The following CELSR2 variants were observed in gnomAD, a reference collection of about 807,000 sequenced individuals.
CELSR2 encodes cadherin EGF LAG seven-pass G-type receptor 2, also known as EGF-like protein 2.
In CELSR2, 81 loss-of-function variants were observed where a neutral mutation model predicts 251.6. The ratio of observed to expected loss-of-function variants is 0.32; its 90% CI spans 0.27 to 0.39. The LOEUF is 0.39. Ranked by LOEUF, CELSR2 falls within the 10% of genes least tolerant of loss-of-function variation. The pLI is 1.00. For missense variants in CELSR2, 3,365 were observed against 3,947.7 expected (o/e 0.85, Z 3.96); for synonymous variants, 1,721 against 1,670.5 (o/e 1.03, Z -0.74).
intron 2 of CELSR2, among the ~76,000 whole-genome samples, chr1:109,260,677 T>G (rs1655994806): frequency 6.6e-6 from 1 of 152,120 alleles, no homozygotes. Flanking sequence ...CCAGGTGTGC[T>G]TGGTAGTGTG....
chr1:109,262,996 C>A, intron 7 of CELSR2, 27 bp downstream of exon 7: 1 of 1,606,044 alleles, frequency 6.2e-7, no homozygotes, highest in Non-Finnish European at 8.5e-7. Context: ...TGGAGCCAGG[C>A]TGGGATCCCA....
intron 8 of CELSR2, 101 bp downstream of exon 8, chr1:109,263,368 GC>G (rs1386303432): frequency 6.8e-7 from 1 of 1,474,544 alleles, no homozygotes; most frequent in African/African-American, 1.4e-5. Context: ...GCTGAGCGGG[GC>G]TGTGGGTGGA....
Position 109,272,358 on chromosome 1 carries a change from C to T in CELSR2, c.8007C>T (p.Thr2669=). ...ACTCGGCCGGCTCTCTGCACAGCAC[C>T]AGTCGCTCGGGCAAGAGTCAGCCCA... is the stretch of plus-strand genomic sequence containing the variant. ...YGDSAGSLHS[T]SRSGKSQPSY... The change falls in exon 29 of 34, where the codon ACC becomes ACT. Residue 2669 remains threonine (T), a synonymous_variant. Coordinates refer to ENST00000271332, the MANE Select transcript of CELSR2 (RefSeq NM_001408.3). 1.2e-6 allele frequency: 2 copies of T among 1,612,586 alleles called. No individual in the cohort carries two copies. The highest frequency in any genetic ancestry group is 1.7e-6 in the Non-Finnish European group (2 of 1,179,068).
rs755458809 is a variant in CELSR2 at position 109,268,576 on chromosome 1, C to A, written c.6319-5C>A. On this transcript the variant is annotated splice_region_variant and splice_polypyrimidine_tract_variant and intron_variant, in intron 17 of 33. Transcript: ENST00000271332. ...GCACACCCACCGTGACCTTGCCCAC[C>A]CCAGAATCTGCTGCGGGTGGGCAGC... is the stretch of plus-strand genomic sequence containing the variant. 1.2e-5 allele frequency: 19 copies of A among 1,604,174 alleles called. No individual in the cohort carries two copies. Among genetic ancestry groups the A allele is most frequent in the Non-Finnish European group, 1.5e-5 (18 of 1,173,966 alleles).
In CELSR2 at chr1:109,264,958, G is replaced by A. The variant is rs747361063; in HGVS notation, c.5555G>A (p.Gly1852Asp). Residue 1852 changes from glycine to aspartate, a missense_variant, in exon 12 of 34, where the codon GGC (glycine) becomes GAC (aspartate). Gly to Asp is a moderately conservative substitution (Grantham distance 94, BLOSUM62 -1). Coordinates refer to ENST00000271332, the MANE Select transcript of CELSR2 (RefSeq NM_001408.3). ...VCTRKPSAPHGYTCECPPNYL... is the reference protein window; with the variant it reads ...VCTRKPSAPHDYTCECPPNYL... ...ACCCGCAAGCCCAGTGCCCCCCATG[G>A]CTATACCTGCGAGTGTCCCCCAAAT... 4 of 1,614,044 alleles carry A rather than the reference G, an allele frequency of 2.5e-6. No individual in the cohort carries two copies. The South Asian group carries it at 3.3e-5, about 13-fold the overall frequency.
intron 17 of CELSR2, 45 bp downstream of exon 17, chr1:109,268,105 T>C (rs984649203): frequency 1.5e-5 from 24 of 1,558,744 alleles, no homozygotes; most frequent in Non-Finnish European, 2.0e-5. Context: ...ATAGGGGTCA[T>C]GGTGAGTGAG....
Position 109,262,895 on chromosome 1 carries a change from G to A in CELSR2, c.4634G>A (p.Cys1545Tyr), listed in dbSNP as rs866162867. 16 of 1,613,828 alleles carry A rather than the reference G, an allele frequency of 9.9e-6. No homozygotes were observed. In the Middle Eastern group the frequency reaches 2.6e-3, roughly 266 times the overall value. Residue 1545 changes from cysteine (C) to tyrosine (Y), a missense_variant, in exon 7 of 34, where the codon TGC (cysteine) becomes TAC (tyrosine). Around this residue, in one of 5 missense-constraint regions of CELSR2, gnomAD observed 2,093 missense variants for 2,382.8 expected, o/e 0.88. Coordinates refer to ENST00000271332, the MANE Select transcript of CELSR2 (RefSeq NM_001408.3). ...FPVRMRQFVG[C>Y]MRNLQVDSRH... ...GTCCGAATGCGGCAGTTCGTGGGCTGCATGCGGAACCTGCAGGTGGACAGC... is the reference window on the plus strand; with the variant it reads ...GTCCGAATGCGGCAGTTCGTGGGCTACATGCGGAACCTGCAGGTGGACAGC...
chr1:109,252,000 A>T lies in CELSR2; in HGVS notation c.1921A>T (p.Ser641Cys). The T allele has an allele frequency of 6.2e-7, 1 of 1,614,070 alleles. No homozygotes were observed. Among genetic ancestry groups the T allele is most frequent in the Middle Eastern group, 1.6e-4 (1 of 6,062 alleles). Residue 641 changes from serine to cysteine, a missense_variant, in exon 1 of 34, where the codon AGT becomes TGT. Ser to Cys is a moderately radical substitution (Grantham distance 112, BLOSUM62 -1). Transcript: ENST00000271332. The surrounding 1 kb of genome is among the most constrained non-coding windows in gnomAD (Gnocchi z 4.9). ...GTCAGCTGTGGACCGTGATGCTCATAGTGTCATCACCTACCAGATCACCAG... is the reference window on the plus strand; with the variant it reads ...GTCAGCTGTGGACCGTGATGCTCATTGTGTCATCACCTACCAGATCACCAG... ...TVSAVDRDAH[S>C]VITYQITSGN...
In CELSR2 at chr1:109,259,151, A is replaced by C. The variant is rs904886709; in HGVS notation, c.3958+72A>C. ...GTGTGGTGCAGGCACAAATCAGGAC[A>C]AATGCTGGCGGCTGCCTCATTCTCT... is the stretch of plus-strand genomic sequence containing the variant. On this transcript the variant is annotated intron_variant, in intron 2 of 33. Coordinates refer to ENST00000271332, the MANE Select transcript of CELSR2 (RefSeq NM_001408.3). 3.8e-6 allele frequency: 5 copies of C among 1,309,176 alleles called. No individual in the cohort carries two copies. In the African/African-American group the frequency reaches 7.3e-5, roughly 19 times the overall value. The allele number at this position is 1,309,176 out of a possible 1,614,324, so 81.1% of individuals were successfully genotyped here. A position where few individuals can be genotyped will look rare whatever the true frequency, so the allele number is the denominator to read the frequency against.
intron 12 of CELSR2, 38 bp downstream of exon 12, chr1:109,265,047 G>A (rs1324062803): frequency 6.2e-7 from 1 of 1,613,332 alleles, no homozygotes; most frequent in Non-Finnish European, 8.5e-7. Flanking sequence ...GGTCCCAGTG[G>A]CTGCTGCTTC....
Position 109,251,319 on chromosome 1 carries a change from C to G in CELSR2, c.1240C>G (p.Pro414Ala). Residue 414 changes from proline to alanine, a missense_variant, in exon 1 of 34, where the codon CCA becomes GCA. Physicochemically the swap from Pro to Ala is conservative, Grantham distance 27. This residue lies in a region of CELSR2 where 704 missense variants were observed against 784.1 expected (regional missense o/e 0.90). Coordinates refer to ENST00000271332, the MANE Select transcript of CELSR2 (RefSeq NM_001408.3). The surrounding 1 kb of genome is among the most constrained non-coding windows in gnomAD (Gnocchi z 4.9). ...GGTCCAGGTGAGGGAGGATGTGACT[C>G]CAGGGGCCCCAGTACTCCGAGTCAC... is the stretch of plus-strand genomic sequence containing the variant. ...YVVQVREDVT[P>A]GAPVLRVTAS... 6.2e-7 allele frequency: 1 copy of G among 1,614,136 alleles called. No individual in the cohort carries two copies. The highest frequency in any genetic ancestry group is 8.5e-7 in the Non-Finnish European group (1 of 1,180,016).
In CELSR2 at chr1:109,275,544, C is replaced by T. The variant is rs1433021651; in HGVS notation, c.*1495C>T. On this transcript the variant is annotated 3_prime_UTR_variant, in exon 34 of 34. Transcript: ENST00000271332. ...TGCCGTGGATTCTCCCCCGTCTTCTCCCCTCAGCAATTCCTGCAAAGGGTT... is the reference window on the plus strand; with the variant it reads ...TGCCGTGGATTCTCCCCCGTCTTCTTCCCTCAGCAATTCCTGCAAAGGGTT... 1 of 152,110 alleles carries T rather than the reference C, an allele frequency of 6.6e-6. No homozygotes were observed. The highest frequency in any genetic ancestry group is 1.5e-5 in the Non-Finnish European group (1 of 68,034). 9.4% of individuals were successfully genotyped at this position (152,110 alleles called of 1,614,324 possible).
chr1:109,258,133 C>T (rs997863119), intron 1 of CELSR2, among the ~76,000 whole-genome samples: 121 of 152,226 alleles, frequency 7.9e-4, no homozygotes, highest in African/African-American at 2.8e-3. Context: ...ATAGGGTTCC[C>T]GCGCAGGCAG....
intron 1 of CELSR2, among the ~76,000 whole-genome samples, chr1:109,254,614 C>T (rs1655793919): frequency 6.6e-6 from 1 of 152,094 alleles, no homozygotes; most frequent in Admixed American, 6.5e-5. Flanking sequence ...CCTTCAAATC[C>T]ATCAGGGAAG....
intron 2 of CELSR2, among the ~76,000 whole-genome samples, chr1:109,260,314 ATGT>A (rs1176580177): frequency 6.6e-6 from 1 of 151,976 alleles, no homozygotes; most frequent in African/African-American, 2.4e-5. Flanking sequence ...TTCCCATCTG[ATGT>A]TGGAGTTTTC....
intron 1 of CELSR2, among the ~76,000 whole-genome samples, chr1:109,253,614 T>C (rs1300689736): frequency 6.6e-6 from 1 of 152,212 alleles, no homozygotes; most frequent in Non-Finnish European, 1.5e-5. Flanking sequence ...GCTGCTTCGG[T>C]TGGCTGCCCC....
intron 1 of CELSR2, among the ~76,000 whole-genome samples, chr1:109,254,884 C>T (rs1344278359): frequency 6.6e-6 from 1 of 152,226 alleles, no homozygotes; most frequent in Admixed American, 6.5e-5. Context: ...GCTCCTGTGT[C>T]CTCAACTGTG....
chr1:109,265,265 G>C lies in CELSR2; in HGVS notation c.5681G>C (p.Gly1894Ala). The change falls in exon 13 of 34, where the codon GGC becomes GCC. Residue 1894 changes from glycine to alanine, a missense_variant. By Grantham distance (60) the Gly-to-Ala change is moderately conservative. Around this residue, in one of 5 missense-constraint regions of CELSR2, gnomAD observed 2,093 missense variants for 2,382.8 expected, o/e 0.88. Transcript: ENST00000271332. Reference sequence around the variant, plus strand: ...CCATGCAACTGTGATGTCAGCAAAGGCTTTGACCCAGACTGCAACAAGACA... The same window carrying C: ...CCATGCAACTGTGATGTCAGCAAAGCCTTTGACCCAGACTGCAACAAGACA... ...CGPCNCDVSK[G>A]FDPDCNKTSG... is the part of the protein sequence containing the mutation. 2 of 1,612,936 alleles carry C rather than the reference G, an allele frequency of 1.2e-6. No individual in the cohort carries two copies. Among genetic ancestry groups the C allele is most frequent in the Non-Finnish European group, 8.5e-7 (1 of 1,179,336 alleles).
rs370851616 is a variant in CELSR2 at position 109,271,636 on chromosome 1, A to G, written c.7840A>G (p.Lys2614Glu). The change falls in exon 28 of 34, where the codon AAG (lysine) becomes GAG (glutamate). Residue 2614 changes from lysine (K) to glutamate (E), a missense_variant. Around this residue, in one of 5 missense-constraint regions of CELSR2, gnomAD observed 2,093 missense variants for 2,382.8 expected, o/e 0.88. Transcript: ENST00000271332. ...CTTCCTCTCCTATGTGGTGCTTAGC[A>G]AGGAGGTCCGGAAAGCACTCAAGCT... ...FIFLSYVVLS[K>E]EVRKALKLAC... 1 of 1,613,908 alleles carries G rather than the reference A, an allele frequency of 6.2e-7. No individual in the cohort carries two copies. The highest frequency in any genetic ancestry group is 1.3e-5 in the African/African-American group (1 of 74,920).
Sources: gnomAD v4.1 joint callset for allele counts (sites outside exome capture counted in the v4.1 genomes callset) on GRCh38, gnomAD v4.1.1 for gene constraint, gnomAD v4.1.1 regional missense constraint, Gnocchi (gnomAD v3.1) non-coding constraint, MANE v1.5 for transcripts, NCBI Gene and HGNC (gene_info 2026-07-23, HGNC 2026-07-21) for gene names.